C10orf143: variants seen among roughly 807,000 people sequenced by gnomAD.
The protein encoded by C10orf143 is chromosome 10 open reading frame 143.
At chr10:130,041,555 T>C (rs1169168819) in intron 3 of C10orf143, among the ~76,000 whole-genome samples, 1 of 152,248 alleles carries the variant, frequency 6.6e-6, no homozygotes, top group African/African-American at 2.4e-5. Context: ...TAAAATGATA[T>C]ATCATAAATT....
chr10:130,036,812 T>C (rs1860549971), intron 3 of C10orf143, among the ~76,000 whole-genome samples: 1 of 152,074 alleles, frequency 6.6e-6, no homozygotes, highest in South Asian at 2.1e-4. Flanking sequence ...CGCAAGTTCC[T>C]AGAGAACAAT....
chr10:130,053,218 A>G (rs1860756286), intron 3 of C10orf143, among the ~76,000 whole-genome samples: 1 of 151,918 alleles, frequency 6.6e-6, no homozygotes, highest in Non-Finnish European at 1.5e-5. Context: ...CTGCCATCAC[A>G]CCCAGCTAAT....
At chr10:130,043,884 G>A (rs757976460) in intron 3 of C10orf143, among the ~76,000 whole-genome samples, 1 of 152,224 alleles carries the variant, frequency 6.6e-6, no homozygotes, top group Non-Finnish European at 1.5e-5. Flanking sequence ...CTTGTAGCTC[G>A]TCATGATGGG....
chr10:130,085,343 A>G (rs917407685), intron 1 of C10orf143, among the ~76,000 whole-genome samples: 2 of 152,228 alleles, frequency 1.3e-5, no homozygotes, highest in African/African-American at 4.8e-5. Context: ...ATGGGACACA[A>G]TACCATGAAC....
chr10:130,060,139 T>C (rs1860838328), downstream of C10orf143, among the ~76,000 whole-genome samples: 1 of 152,160 alleles, frequency 6.6e-6, no homozygotes, highest in Non-Finnish European at 1.5e-5. Flanking sequence ...CCTGTTTGTT[T>C]GTCCTGCCTA....
intron 3 of C10orf143, chr10:130,066,672 C>A (rs894740656): frequency 6.6e-6 from 1 of 152,514 alleles, no homozygotes; most frequent in Admixed American, 6.5e-5. Flanking sequence ...TCATCCTACT[C>A]TCTCTTCTTG....
chr10:130,054,870 T>C (rs1302990134), intron 3 of C10orf143, among the ~76,000 whole-genome samples: 1 of 152,184 alleles, frequency 6.6e-6, no homozygotes, highest in African/African-American at 2.4e-5. Context: ...GACAAATCTA[T>C]AGACCAATGG....
At chr10:130,106,927 C>G (rs772562184) in intron 1 of C10orf143, 1 of 1,006,160 alleles carries the variant, frequency 9.9e-7, no homozygotes, top group Admixed American at 1.7e-5. Context: ...TAGAAGTGAA[C>G]AGTGAATCAG....
intron 3 of C10orf143, among the ~76,000 whole-genome samples, chr10:130,054,700 T>C (rs1860776336): frequency 6.6e-6 from 1 of 152,222 alleles, no homozygotes; most frequent in South Asian, 2.1e-4. Context: ...GTTTTTTAAA[T>C]GGGTGTGAGG....
chr10:130,074,133 C>G (rs1267101847), intron 3 of C10orf143, among the ~76,000 whole-genome samples: 1 of 152,228 alleles, frequency 6.6e-6, no homozygotes, highest in African/African-American at 2.4e-5. Flanking sequence ...GGCATGCTGA[C>G]TGCAAACACA....
downstream of C10orf143, among the ~76,000 whole-genome samples, chr10:130,060,642 T>A (rs949655139): frequency 2.0e-5 from 3 of 147,894 alleles, no homozygotes; most frequent in South Asian, 6.5e-4. Context: ...GCTAACACGG[T>A]GAAACCCCAT....
At chr10:130,038,894 G>C (rs534164728) in intron 3 of C10orf143, among the ~76,000 whole-genome samples, 1 of 152,336 alleles carries the variant, frequency 6.6e-6, no homozygotes, top group Admixed American at 6.5e-5. Flanking sequence ...GGGCCAGCAG[G>C]CTCTGACCAC....
At chr10:130,091,498 A>C (rs758547861) in intron 1 of C10orf143, among the ~76,000 whole-genome samples, 1 of 152,218 alleles carries the variant, frequency 6.6e-6, no homozygotes, top group Non-Finnish European at 1.5e-5. Context: ...AAAAACCAGA[A>C]TGCCTCTTCT....
intron 1 of C10orf143, among the ~76,000 whole-genome samples, chr10:130,102,394 T>C (rs530169898): frequency 6.6e-6 from 1 of 152,238 alleles, no homozygotes; most frequent in East Asian, 1.9e-4. Context: ...CACCTCAGCC[T>C]CTTGAGTAGC....
In C10orf143 at chr10:130,074,951, C is replaced by T. The variant is rs865949732; in HGVS notation, c.297+4615G>A. The stretch of plus-strand genomic sequence containing the variant: ...CACACACAGACATGCACACACACTA[C>T]ATATGTACACAGACACACACATGCA... On this transcript the variant is annotated intron_variant, in intron 3 of 3. Coordinates refer to ENST00000637128, the MANE Select transcript of C10orf143 (RefSeq NM_001355042.2). Among the ~76,000 whole-genome samples the T allele has an allele frequency of 9.9e-5, 15 of 152,092 alleles. No homozygotes were observed. The South Asian group carries it at 1.7e-3, about 17-fold the overall frequency.
intron 1 of C10orf143, among the ~76,000 whole-genome samples, chr10:130,109,694 A>C (rs1444091382): frequency 6.6e-6 from 1 of 152,130 alleles, no homozygotes; most frequent in Non-Finnish European, 1.5e-5. Context: ...CCTAAGTGGT[A>C]CTGGCTTCAC....
intron 3 of C10orf143, among the ~76,000 whole-genome samples, chr10:130,040,741 C>T (rs7090364): frequency 6.6e-6 from 1 of 151,790 alleles, no homozygotes; most frequent in Admixed American, 6.5e-5. Context: ...GCTGGGGCAG[C>T]AGAATTGTTT....
intron 3 of C10orf143, among the ~76,000 whole-genome samples, chr10:130,044,901 G>T (rs1860648795): frequency 1.3e-5 from 2 of 152,154 alleles, no homozygotes; most frequent in Non-Finnish European, 2.9e-5. Context: ...CTGCGCATAG[G>T]TGTGCGGATT....
downstream of C10orf143, among the ~76,000 whole-genome samples, chr10:130,061,901 G>A (rs1363734496): frequency 2.0e-5 from 3 of 151,464 alleles, no homozygotes; most frequent in Admixed American, 6.6e-5. Flanking sequence ...AGCAGAGACC[G>A]TCCTGTGGCC....
Sources: allele counts gnomAD v4.1 joint callset (sites outside exome capture counted in the v4.1 genomes callset), GRCh38; gene constraint gnomAD v4.1.1; transcripts MANE v1.5; gene names NCBI Gene and HGNC (gene_info 2026-07-23, HGNC 2026-07-21).